The following KCNB2 variants were observed in gnomAD, a reference collection of about 807,000 sequenced individuals.
The protein encoded by KCNB2 is potassium voltage-gated channel subfamily B member 2.
KCNB2 carries 15 observed loss-of-function variants against 61.5 expected under a neutral mutation model. The ratio of observed to expected loss-of-function variants is 0.24; its 90% CI spans 0.16 to 0.38. The LOEUF (loss-of-function observed/expected upper bound fraction) is 0.38, where lower values mean the gene tolerates loss of function less well. KCNB2 is among the 10% of genes least tolerant of loss of function. The pLI, the probability that KCNB2 is intolerant of heterozygous loss-of-function variation, is 1.00. For synonymous variants in KCNB2, 457 were observed against 446.0 expected (o/e 1.02, Z -0.31); for missense variants, 828 against 1,125.2 (o/e 0.74, Z 3.78).
intron 2 of KCNB2, among the ~76,000 whole-genome samples, chr8:72,769,385 T>G (rs1226371493): frequency 6.6e-6 from 1 of 152,150 alleles, no homozygotes; most frequent in African/African-American, 2.4e-5. Flanking sequence ...TTAACCATAA[T>G]TTCTATCCAG....
chr8:72,759,799 G>A lies in KCNB2; in HGVS notation c.580-176136G>A, dbSNP rs533413588. On this transcript the variant is annotated intron_variant, in intron 2 of 2. Transcript: ENST00000523207. ...GGCTCAGCAGGCAATCATCATTCAT[G>A]GGAGGATTTATCAGGAACCCTTTTA... is the stretch of plus-strand genomic sequence containing the variant. 3.0e-4 allele frequency among the ~76,000 whole-genome samples: 45 copies of A among 152,260 alleles called. 1 individual carries two copies. The South Asian group carries it at 9.1e-3, about 31-fold the overall frequency.
chr8:72,597,473 C>G (rs904346401), intron 2 of KCNB2, among the ~76,000 whole-genome samples: 3 of 152,178 alleles, frequency 2.0e-5, no homozygotes, highest in Non-Finnish European at 4.4e-5. Flanking sequence ...TATCAGGAAC[C>G]ATAAGAAAGT....
chr8:72,934,694 C>G (rs1011052617), intron 2 of KCNB2, among the ~76,000 whole-genome samples: 1 of 152,082 alleles, frequency 6.6e-6, no homozygotes, highest in Non-Finnish European at 1.5e-5. Context: ...ACCAATGACA[C>G]CTCCCACCAA....
intron 2 of KCNB2, among the ~76,000 whole-genome samples, chr8:72,779,780 G>C (rs1460789792): frequency 2.0e-5 from 3 of 152,116 alleles, no homozygotes; most frequent in Non-Finnish European, 4.4e-5. Context: ...GATATTGAGG[G>C]TAAGTCAGCT....
intron 2 of KCNB2, among the ~76,000 whole-genome samples, chr8:72,866,287 AT>A (rs1805516839): frequency 1.3e-5 from 2 of 152,232 alleles, no homozygotes; most frequent in South Asian, 2.1e-4. Context: ...TACTGAGAGC[AT>A]TCTACTGGAA....
At chr8:72,741,160 GGAA>G (rs1807951988) in intron 2 of KCNB2, among the ~76,000 whole-genome samples, 1 of 152,110 alleles carries the variant, frequency 6.6e-6, no homozygotes, top group Admixed American at 6.6e-5. Context: ...TGATTTGAAA[GGAA>G]GAAGACCAGA....
chr8:72,841,372 C>CTTTTTTTTT (rs769263287), intron 2 of KCNB2, among the ~76,000 whole-genome samples: 46 of 34,242 alleles, frequency 1.3e-3, no homozygotes, highest in African/African-American at 3.3e-3. Flanking sequence ...TTTTTTTTTT[C>CTTTTTTTTT]TTTTTTTTTT....
intron 2 of KCNB2, among the ~76,000 whole-genome samples, chr8:72,809,966 G>A (rs908433893): frequency 6.6e-6 from 1 of 152,074 alleles, no homozygotes; most frequent in Non-Finnish European, 1.5e-5. Flanking sequence ...TCTACATACT[G>A]TCAATGGGAC....
At chr8:72,682,218 C>T (rs1448899029) in intron 2 of KCNB2, among the ~76,000 whole-genome samples, 3 of 152,072 alleles carry the variant, frequency 2.0e-5, no homozygotes, top group African/African-American at 4.8e-5. Flanking sequence ...GATAAACGTC[C>T]TCTGGAGCAT....
chr8:72,696,794 T>C (rs182386228), intron 2 of KCNB2, among the ~76,000 whole-genome samples: 129 of 152,296 alleles, frequency 8.5e-4, no homozygotes, highest in Non-Finnish European at 1.4e-3. Flanking sequence ...TTAGATAAAA[T>C]TCATTTTCAT....
intron 2 of KCNB2, among the ~76,000 whole-genome samples, chr8:72,691,854 G>A (rs1806944794): frequency 6.6e-6 from 1 of 152,140 alleles, no homozygotes; most frequent in Non-Finnish European, 1.5e-5. Flanking sequence ...TTCGTTGTTT[G>A]TCAGTGATTT....
intron 2 of KCNB2, among the ~76,000 whole-genome samples, chr8:72,585,283 C>G (rs1462701827): frequency 6.6e-6 from 1 of 152,168 alleles, no homozygotes; most frequent in African/African-American, 2.4e-5. Context: ...CAGGAATTCC[C>G]TAGGAATTCT....
intron 2 of KCNB2, among the ~76,000 whole-genome samples, chr8:72,923,225 T>A (rs974419261): frequency 6.6e-6 from 1 of 151,898 alleles, no homozygotes; most frequent in African/African-American, 2.4e-5. Flanking sequence ...TTGTGTTTCT[T>A]ATCAGACTTA....
intron 2 of KCNB2, among the ~76,000 whole-genome samples, chr8:72,698,028 A>G (rs1807045545): frequency 6.6e-6 from 1 of 152,086 alleles, no homozygotes; most frequent in South Asian, 2.1e-4. Context: ...AAGAGAAACA[A>G]AGAAAGGGCA....
intron 2 of KCNB2, among the ~76,000 whole-genome samples, chr8:72,579,564 C>G (rs1349248375): frequency 6.6e-6 from 1 of 152,206 alleles, no homozygotes; most frequent in Non-Finnish European, 1.5e-5. Flanking sequence ...CACCCACCCT[C>G]TGCCCTCCCT....
At chr8:72,750,944 G>C (rs924012125) in intron 2 of KCNB2, 4 of 152,000 alleles carry the variant, frequency 2.6e-5, no homozygotes, top group African/African-American at 9.7e-5. Context: ...TCGCATTTCT[G>C]CTTGTAAAAT....
chr8:72,927,516 C>T (rs1007651798), intron 2 of KCNB2, among the ~76,000 whole-genome samples: 3 of 152,142 alleles, frequency 2.0e-5, no homozygotes, highest in Admixed American at 6.6e-5. Context: ...GATGACCCAC[C>T]GGACTTGGTC....
chr8:72,755,256 G>T (rs1345127938), intron 2 of KCNB2, among the ~76,000 whole-genome samples: 2 of 152,150 alleles, frequency 1.3e-5, no homozygotes, highest in Non-Finnish European at 2.9e-5. Flanking sequence ...AGGTACTGTG[G>T]TATCCTGGAT....
At chr8:72,662,775 GA>G (rs1257226084) in intron 2 of KCNB2, among the ~76,000 whole-genome samples, 3 of 152,196 alleles carry the variant, frequency 2.0e-5, no homozygotes, top group African/African-American at 7.2e-5. Flanking sequence ...AGGGCTAATG[GA>G]AGGTTTGGCT....
Sources: allele counts gnomAD v4.1 joint callset (sites outside exome capture counted in the v4.1 genomes callset), GRCh38; gene constraint gnomAD v4.1.1; transcripts MANE v1.5; gene names NCBI Gene and HGNC (gene_info 2026-07-23, HGNC 2026-07-21).